Variants in DYRK1A observed in about 807,000 individuals in gnomAD.
DYRK1A encodes the protein dual specificity tyrosine phosphorylation regulated kinase 1A, also known as dual specificity tyrosine-phosphorylation-regulated kinase 1A.
DYRK1A carries 9 observed loss-of-function variants against 79.7 expected under a neutral mutation model. The ratio of observed to expected loss-of-function variants is 0.11; its 90% CI spans 0.07 to 0.20. The LOEUF (loss-of-function observed/expected upper bound fraction) is 0.20, where lower values mean the gene tolerates loss of function less well. DYRK1A is among the 10% of genes least tolerant of loss of function. The pLI is 1.00. For missense variants in DYRK1A, 622 were observed against 956.0 expected, an observed-to-expected ratio of 0.65 and a Z score of 4.61; for synonymous variants, 349 against 329.7, an observed-to-expected ratio of 1.06 and a Z score of -0.63.
chr21:37,511,907 T>G lies in DYRK1A; in HGVS notation c.1645-4T>G. ...AAAATCCTTTTAAAAATCTGTTCTTTCAGGTGCGTCAGCAATTTCCTGCTC... is the reference window on the plus strand; with the variant it reads ...AAAATCCTTTTAAAAATCTGTTCTTGCAGGTGCGTCAGCAATTTCCTGCTC... On this transcript the variant is annotated splice_region_variant and splice_polypyrimidine_tract_variant and intron_variant, in intron 11 of 11. Transcript: ENST00000647188. The G allele has an allele frequency of 5.6e-6, 9 of 1,608,506 alleles. No individual in the cohort carries two copies. The highest frequency in any genetic ancestry group is 7.7e-6 in the Non-Finnish European group (9 of 1,175,632).
rs113286668 is a variant in DYRK1A at position 37,486,730 on chromosome 21, GTTTA to G, written c.637+120_637+123del. The G allele has an allele frequency of 4.9e-5, 53 of 1,077,038 alleles. 1 individual carries two copies. In the African/African-American group the frequency reaches 5.6e-4, roughly 11 times the overall value. 66.7% of individuals were successfully genotyped at this position (1,077,038 alleles called of 1,614,324 possible). On this transcript the variant is annotated intron_variant, in intron 6 of 11. Coordinates refer to ENST00000647188, the MANE Select transcript of DYRK1A (RefSeq NM_001347721.2). ...TTTTAAAGTGGCTGATTAAAAATTT[GTTTA>G]TTTCTGTTGGACAGCAAGATTTATA...
rs568969829 is a variant in DYRK1A at position 37,464,453 on chromosome 21, C to T, written c.11-8231C>T. On this transcript the variant is annotated intron_variant, in intron 2 of 11. Transcript: ENST00000647188. ...AAAAATGATCCATACAGTTCAGAAG[C>T]ACGTAAAGACAGAACTCCACATGCA... is the stretch of plus-strand genomic sequence containing the variant. 2.0e-4 allele frequency among the ~76,000 whole-genome samples: 31 copies of T among 152,272 alleles called. No homozygotes were observed. The South Asian group carries it at 5.8e-3, about 28-fold the overall frequency.
At chr21:37,506,489 C>T in intron 11 of DYRK1A, 1 of 1,033,994 alleles carries the variant, frequency 9.7e-7, no homozygotes, top group Non-Finnish European at 1.4e-6. Context: ...TTTACCAAAG[C>T]AGCGTTTTGA....
chr21:37,471,062 C>T (rs954725385), intron 2 of DYRK1A, among the ~76,000 whole-genome samples: 4 of 152,136 alleles, frequency 2.6e-5, no homozygotes, highest in Non-Finnish European at 5.9e-5. Context: ...GTTGACATTC[C>T]AGCTTCAGCA....
chr21:37,417,379 A>T (rs1019995279), intron 1 of DYRK1A, among the ~76,000 whole-genome samples: 32 of 151,944 alleles, frequency 2.1e-4, no homozygotes, highest in African/African-American at 7.0e-4. Context: ...TTTTTAGTGG[A>T]GATGGGGTTT....
At chr21:37,467,022 T>G (rs1049241693) in intron 2 of DYRK1A, among the ~76,000 whole-genome samples, 7 of 146,214 alleles carry the variant, frequency 4.8e-5, no homozygotes, top group African/African-American at 1.8e-4. Flanking sequence ...CAGCAGAAAA[T>G]AGAAAATCTG....
At chr21:37,454,631 C>T (rs747044849) in intron 2 of DYRK1A, among the ~76,000 whole-genome samples, 4 of 151,888 alleles carry the variant, frequency 2.6e-5, no homozygotes, top group Non-Finnish European at 5.9e-5. Context: ...AATTAATGTA[C>T]CTATTGGGTT....
chr21:37,511,700 C>G (rs1215919068), intron 11 of DYRK1A, among the ~76,000 whole-genome samples: 5 of 152,132 alleles, frequency 3.3e-5, no homozygotes, highest in African/African-American at 4.8e-5. Flanking sequence ...GATATAACTT[C>G]CTAAAAATTG....
intron 3 of DYRK1A, among the ~76,000 whole-genome samples, chr21:37,474,647 C>T (rs983262880): frequency 7.9e-5 from 12 of 152,148 alleles, no homozygotes; most frequent in African/African-American, 2.4e-4. Flanking sequence ...TTGGCACCTC[C>T]GACTAGAACC....
At chr21:37,423,754 G>T (rs1366734172) in intron 2 of DYRK1A, among the ~76,000 whole-genome samples, 1 of 152,106 alleles carries the variant, frequency 6.6e-6, no homozygotes, top group Non-Finnish European at 1.5e-5. Context: ...ATGTGGAATA[G>T]TTCCAAAGCA....
At chr21:37,466,921 A>C (rs530130538) in intron 2 of DYRK1A, among the ~76,000 whole-genome samples, 3 of 152,116 alleles carry the variant, frequency 2.0e-5, no homozygotes, top group Non-Finnish European at 4.4e-5. Context: ...ATATCACAAA[A>C]GCTTATGAGA....
At chr21:37,480,260 G>A (rs2052589011) in intron 4 of DYRK1A, among the ~76,000 whole-genome samples, 1 of 152,110 alleles carries the variant, frequency 6.6e-6, no homozygotes, top group Admixed American at 6.6e-5. Context: ...TTGAACTTGA[G>A]GGACATGAAA....
chr21:37,453,274 C>A (rs780575168), intron 2 of DYRK1A, among the ~76,000 whole-genome samples: 6 of 152,086 alleles, frequency 3.9e-5, no homozygotes, highest in Non-Finnish European at 5.9e-5. Flanking sequence ...CCATTTATAG[C>A]ACATCTTAAT....
chr21:37,397,888 A>G (rs975899931), intron 1 of DYRK1A, among the ~76,000 whole-genome samples: 2 of 151,996 alleles, frequency 1.3e-5, no homozygotes, highest in Non-Finnish European at 2.9e-5. Flanking sequence ...CCTGTACCAC[A>G]CAGGATTCAG....
Position 37,420,350 on chromosome 21 carries a change from A to T in DYRK1A, c.-25A>T. 3 of 1,607,268 alleles carry T rather than the reference A, an allele frequency of 1.9e-6. No homozygotes were observed. Among genetic ancestry groups the T allele is most frequent in the East Asian group, 2.2e-5 (1 of 44,708 alleles). ...CCCTCCCTTCCCCCACCCCATCAGG[A>T]TGATATGAGACTTGAAAGAAGACGA... On this transcript the variant is annotated 5_prime_UTR_variant, in exon 2 of 12. The change abolishes an upstream ATG in the 5' untranslated region. Transcript: ENST00000647188.
chr21:37,514,257 G>T lies in DYRK1A; in HGVS notation c.*1726G>T, dbSNP rs146633245. On this transcript the variant is annotated 3_prime_UTR_variant, in exon 12 of 12. Coordinates refer to ENST00000647188, the MANE Select transcript of DYRK1A (RefSeq NM_001347721.2). ...GCAGACAGGCTGGTATTTAACAGGT[G>T]CCTCGTGTTGAGATTACGCTGCCTT... 6.5e-6 allele frequency: 1 copy of T among 152,772 alleles called. No individual in the cohort carries two copies. The highest frequency in any genetic ancestry group is 2.4e-5 in the African/African-American group (1 of 41,580). 9.5% of individuals were successfully genotyped at this position (152,772 alleles called of 1,614,324 possible).
chr21:37,371,190 G>C (rs565779237), intron 1 of DYRK1A, among the ~76,000 whole-genome samples: 1 of 152,316 alleles, frequency 6.6e-6, no homozygotes, highest in Non-Finnish European at 1.5e-5. Context: ...TTTTAAGCTA[G>C]AGTTGTAAAG....
chr21:37,399,127 C>A (rs2050009900), intron 1 of DYRK1A, among the ~76,000 whole-genome samples: 2 of 139,784 alleles, frequency 1.4e-5, no homozygotes, highest in East Asian at 4.2e-4. Flanking sequence ...TCACTTTAAT[C>A]ATTCCCAACA....
At chr21:37,442,075 T>C (rs968373669) in intron 2 of DYRK1A, among the ~76,000 whole-genome samples, 5 of 152,060 alleles carry the variant, frequency 3.3e-5, no homozygotes, top group Non-Finnish European at 5.9e-5. Context: ...CATTGTTTCT[T>C]ACAGAAAATC....
Sources: gnomAD v4.1 joint callset for allele counts (sites outside exome capture counted in the v4.1 genomes callset) on GRCh38, gnomAD v4.1.1 for gene constraint, MANE v1.5 for transcripts, NCBI Gene and HGNC (gene_info 2026-07-23, HGNC 2026-07-21) for gene names.